The following MYO1D variants were observed in gnomAD, a reference collection of about 807,000 sequenced individuals.
The protein encoded by MYO1D is unconventional myosin-Id.
In MYO1D, 83 loss-of-function variants were observed where a neutral mutation model predicts 122.0. The observed-to-expected ratio is 0.68, with a 90% CI of 0.57 to 0.82. The LOEUF is 0.82. MYO1D is among the 40% of genes least tolerant of loss of function. The probability of loss-of-function intolerance (pLI) is 0.00; values close to 1 mark genes in which losing one functional copy is unlikely to be tolerated. For synonymous variants in MYO1D, 464 were observed against 446.9 expected (o/e 1.04, Z -0.48); for missense variants, 1,157 against 1,269.5 (o/e 0.91, Z 1.35).
At chr17:32,647,358 T>C (rs1050007177) in intron 19 of MYO1D, among the ~76,000 whole-genome samples, 1 of 152,220 alleles carries the variant, frequency 6.6e-6, no homozygotes, top group Non-Finnish European at 1.5e-5. Context: ...ATTTAAGCTA[T>C]AGGGTGAACA....
rs549673489 is a variant in MYO1D, at chr17:32,837,675, G to GT, written c.95+39102dup. 6.1e-4 allele frequency among the ~76,000 whole-genome samples: 93 copies of GT among 152,140 alleles called. 1 individual carries two copies. The East Asian group carries it at 0.017, about 27-fold the overall frequency. On this transcript the variant is annotated intron_variant, in intron 1 of 21. Coordinates refer to ENST00000318217, the MANE Select transcript of MYO1D (RefSeq NM_015194.3). ...TATTGATGCAGACAGAGCCAAACTG[G>GT]TTCAGAAAAATTCTATCAGTTGATA... is the stretch of plus-strand genomic sequence containing the variant.
chr17:32,640,820 G>A (rs1470482320), intron 19 of MYO1D, among the ~76,000 whole-genome samples: 1 of 151,722 alleles, frequency 6.6e-6, no homozygotes, highest in Non-Finnish European at 1.5e-5. Context: ...GAAAGTAAGG[G>A]TCCATGGACA....
chr17:32,593,284 G>A (rs1225741889), intron 21 of MYO1D, among the ~76,000 whole-genome samples: 1 of 152,196 alleles, frequency 6.6e-6, no homozygotes, highest in Admixed American at 6.5e-5. Flanking sequence ...GAGTGAACCT[G>A]GCAAGACAAG....
chr17:32,687,901 T>C (rs1347539040), intron 16 of MYO1D, among the ~76,000 whole-genome samples: 1 of 152,190 alleles, frequency 6.6e-6, no homozygotes, highest in Non-Finnish European at 1.5e-5. Context: ...CTGTGGAACA[T>C]AATCAAGTAC....
chr17:32,829,705 C>T (rs1184677050), intron 1 of MYO1D, among the ~76,000 whole-genome samples: 2 of 152,292 alleles, frequency 1.3e-5, no homozygotes, highest in African/African-American at 4.8e-5. Context: ...CTGCCCACCT[C>T]GGCCTCCCAA....
In MYO1D at chr17:32,535,470, G is replaced by A. The variant is rs532531032; in HGVS notation, c.2865-40555C>T. Among the ~76,000 whole-genome samples, 7 of 152,166 alleles carry A rather than the reference G, an allele frequency of 4.6e-5. No homozygotes were observed. In the South Asian group the frequency reaches 6.2e-4, roughly 13 times the overall value. On this transcript the variant is annotated intron_variant, in intron 21 of 21. Coordinates refer to ENST00000318217, the MANE Select transcript of MYO1D (RefSeq NM_015194.3). Reference sequence around the variant, plus strand: ...GAAACAATACATTGTACTTGTGGCCGGGCGCGGTGGCTCACGCCTATAATC... The same window carrying A: ...GAAACAATACATTGTACTTGTGGCCAGGCGCGGTGGCTCACGCCTATAATC...
intron 8 of MYO1D, among the ~76,000 whole-genome samples, chr17:32,764,226 A>G (rs1031027269): frequency 2.6e-5 from 4 of 152,214 alleles, no homozygotes. Context: ...AGTCAAACTC[A>G]TAGAAGCAGA....
At chr17:32,633,811 T>C (rs1250942180) in intron 20 of MYO1D, among the ~76,000 whole-genome samples, 1 of 152,190 alleles carries the variant, frequency 6.6e-6, no homozygotes. Flanking sequence ...CTTCAAGTCT[T>C]TGCTTAAATG....
At chr17:32,787,237 A>ACC (rs2090306294) in intron 1 of MYO1D, among the ~76,000 whole-genome samples, 3 of 152,214 alleles carry the variant, frequency 2.0e-5, no homozygotes, top group African/African-American at 7.2e-5. Flanking sequence ...AAGGTGGAGA[A>ACC]AAGTAAGCAA....
intron 21 of MYO1D, among the ~76,000 whole-genome samples, chr17:32,561,871 A>G (rs1190771289): frequency 1.3e-5 from 2 of 152,208 alleles, no homozygotes; most frequent in Non-Finnish European, 2.9e-5. Flanking sequence ...TAAAGAGTTA[A>G]AAATTTTCTG....
intron 21 of MYO1D, among the ~76,000 whole-genome samples, chr17:32,554,593 T>C (rs541063538): frequency 3.9e-5 from 6 of 152,296 alleles, no homozygotes; most frequent in South Asian, 2.1e-4. Context: ...AAGGACAGAA[T>C]TGACCACATA....
rs139111375 is a variant in MYO1D at position 32,772,703 on chromosome 17, T to C, written c.618+86A>G. The C allele has an allele frequency of 7.5e-4, 840 of 1,119,440 alleles. 4 individuals are homozygous for C. In the African/African-American group the frequency reaches 7.8e-3, roughly 10 times the overall value. The allele number at this position is 1,119,440 out of a possible 1,614,324, so 69.3% of individuals were successfully genotyped here. ...GGGGCCAATGGAGATGAGTGATGCA[T>C]AGGACAGGGGAAAGCCCAAGACACA... On this transcript the variant is annotated intron_variant, in intron 5 of 21. Transcript: ENST00000318217.
In MYO1D at chr17:32,653,479, G is replaced by A. The variant is rs370279781; in HGVS notation, c.2595+364C>T. Among the ~76,000 whole-genome samples, 63 of 151,920 alleles carry A rather than the reference G, an allele frequency of 4.1e-4. No homozygotes were observed. In the South Asian group the frequency reaches 0.012, roughly 30 times the overall value. ...AAGTTAGCTAGACATGGTGGTGCAT[G>A]CCTGTAATCCCAGTTACTTGGGAGG... is the stretch of plus-strand genomic sequence containing the variant. On this transcript the variant is annotated intron_variant, in intron 19 of 21. Coordinates refer to ENST00000318217, the MANE Select transcript of MYO1D (RefSeq NM_015194.3).
At chr17:32,543,192 C>CTCCAGCCT (rs1378142060) in intron 21 of MYO1D, among the ~76,000 whole-genome samples, 3 of 150,514 alleles carry the variant, frequency 2.0e-5, no homozygotes, top group Non-Finnish European at 4.4e-5. Context: ...TGCCACTGCA[C>CTCCAGCCT]TCCAGCCTGG....
chr17:32,760,199 C>T, intron 10 of MYO1D, 91 bp downstream of exon 10: 1 of 1,082,630 alleles, frequency 9.2e-7, no homozygotes, highest in East Asian at 2.4e-5. Context: ...TTCAAATACC[C>T]CCAAAAGATC....
chr17:32,555,393 T>C (rs2087059402), intron 21 of MYO1D, among the ~76,000 whole-genome samples: 1 of 152,108 alleles, frequency 6.6e-6, no homozygotes, highest in Non-Finnish European at 1.5e-5. Flanking sequence ...TATACACAGA[T>C]CTATATGCAA....
chr17:32,682,457 A>T (rs1198769852), intron 16 of MYO1D, among the ~76,000 whole-genome samples: 1 of 146,776 alleles, frequency 6.8e-6, no homozygotes, highest in East Asian at 2.0e-4. Flanking sequence ...GTGGTGACAA[A>T]ATCTCTCAGC....
chr17:32,662,719 T>C (rs1158457368), intron 16 of MYO1D, among the ~76,000 whole-genome samples: 1 of 151,926 alleles, frequency 6.6e-6, no homozygotes, highest in East Asian at 1.9e-4. Flanking sequence ...CTTCCTTCTG[T>C]GCCTTAGTTT....
chr17:32,533,375 T>G (rs1317144613), intron 21 of MYO1D, among the ~76,000 whole-genome samples: 2 of 152,160 alleles, frequency 1.3e-5, no homozygotes, highest in Non-Finnish European at 2.9e-5. Flanking sequence ...CACCAAATCC[T>G]GAAGATTTTA....
Sources: allele counts gnomAD v4.1 joint callset (sites outside exome capture counted in the v4.1 genomes callset), GRCh38; gene constraint gnomAD v4.1.1; transcripts MANE v1.5; gene names NCBI Gene and HGNC (gene_info 2026-07-23, HGNC 2026-07-21).